The following NOL10 variants were observed in gnomAD, a reference collection of about 807,000 sequenced individuals.
NOL10 encodes the protein H_NH0074G24.1.
A neutral mutation model predicts 103.5 loss-of-function variants in NOL10; 58 were observed. That is an observed-to-expected ratio of 0.56 (90% CI 0.45 to 0.70). NOL10 has a LOEUF of 0.70. NOL10 is among the 30% of genes least tolerant of loss of function. NOL10 has a pLI of 0.00. For synonymous variants in NOL10, 287 were observed against 282.5 expected (o/e 1.02, Z -0.16); for missense variants, 763 against 807.3 (o/e 0.95, Z 0.67).
intron 11 of NOL10, among the ~76,000 whole-genome samples, chr2:10,657,316 A>C (rs886454514): frequency 2.0e-5 from 3 of 149,800 alleles, no homozygotes; most frequent in Admixed American, 1.3e-4. Context: ...AACTCTCTCA[A>C]AAAAAAAAAA....
chr2:10,675,825 G>C lies in NOL10; in HGVS notation c.258C>G (p.Ser86=). 6.3e-7 allele frequency: 1 copy of C among 1,579,148 alleles called. No homozygotes were observed. Among genetic ancestry groups the C allele is most frequent in the Non-Finnish European group, 8.6e-7 (1 of 1,159,372 alleles). ...RVRCYDTYQL[S]LKFERCLDSE... is the part of the protein sequence containing the mutation. ...AATCTAAACACCTTTCAAACTTCAA[G>C]GATAATTGATAGGTGTCATAACATC... is the stretch of plus-strand genomic sequence containing the variant. Residue 86 remains serine, a synonymous_variant, in exon 4 of 21, where the codon TCC becomes TCG. Coordinates refer to ENST00000381685, the MANE Select transcript of NOL10 (RefSeq NM_024894.4).
chr2:10,585,780 C>T (rs781326580), intron 19 of NOL10, among the ~76,000 whole-genome samples: 5 of 152,118 alleles, frequency 3.3e-5, no homozygotes, highest in Non-Finnish European at 7.3e-5. Flanking sequence ...CTTATAATAC[C>T]TAATACAATG....
chr2:10,631,013 A>G (rs962180860), intron 13 of NOL10, among the ~76,000 whole-genome samples: 8 of 152,230 alleles, frequency 5.3e-5, no homozygotes, highest in African/African-American at 2.4e-5. Context: ...TGGTACTATA[A>G]AAGAGCAATT....
chr2:10,597,887 G>T (rs548153080), intron 17 of NOL10, among the ~76,000 whole-genome samples: 1 of 152,176 alleles, frequency 6.6e-6, no homozygotes, highest in Non-Finnish European at 1.5e-5. Context: ...TACACAGCTT[G>T]GTAATTCTTT....
At chr2:10,600,481 C>T (rs113024368) in intron 17 of NOL10, among the ~76,000 whole-genome samples, 15 of 152,244 alleles carry the variant, frequency 9.9e-5, no homozygotes, top group African/African-American at 2.6e-4. Context: ...GAATATGTAG[C>T]CATTAAAAAT....
chr2:10,657,709 A>C, intron 11 of NOL10, 33 bp downstream of exon 11: 1 of 1,534,680 alleles, frequency 6.5e-7, no homozygotes, highest in Non-Finnish European at 8.8e-7. Flanking sequence ...CCTGCAAATA[A>C]AGAAGCAAGT....
At chr2:10,581,160 T>C (rs114162023) in intron 19 of NOL10, among the ~76,000 whole-genome samples, 46 of 152,264 alleles carry the variant, frequency 3.0e-4, no homozygotes, top group Non-Finnish European at 6.5e-4. Context: ...TCTATAGGCA[T>C]AACGAAGATG....
intron 17 of NOL10, among the ~76,000 whole-genome samples, chr2:10,593,005 G>C (rs954275984): frequency 3.9e-5 from 6 of 152,126 alleles, no homozygotes; most frequent in Admixed American, 3.9e-4. Context: ...AAACATTAAA[G>C]TACTATTCAT....
chr2:10,591,372 G>A lies in NOL10; in HGVS notation c.1423-1621C>T, dbSNP rs1675381128. Reference sequence around the variant, plus strand: ...CCCAACAAAAGACACCCCAGGAGGGGCCCTGGGGGGTGCAGCATCAGGGAG... The same window carrying A: ...CCCAACAAAAGACACCCCAGGAGGGACCCTGGGGGGTGCAGCATCAGGGAG... On this transcript the variant is annotated intron_variant, in intron 17 of 20. Coordinates refer to ENST00000381685, the MANE Select transcript of NOL10 (RefSeq NM_024894.4). Among the ~76,000 whole-genome samples, 2 of 152,108 alleles carry A rather than the reference G, an allele frequency of 1.3e-5. 1 individual carries two copies. The highest frequency in any genetic ancestry group is 4.1e-4 in the South Asian group (2 of 4,822).
chr2:10,595,946 T>C (rs1341127117), intron 17 of NOL10, among the ~76,000 whole-genome samples: 2 of 152,144 alleles, frequency 1.3e-5, no homozygotes, highest in African/African-American at 4.8e-5. Flanking sequence ...TTTTTAAAAC[T>C]ATGCATGTAT....
intron 12 of NOL10, among the ~76,000 whole-genome samples, chr2:10,652,089 T>C (rs1439787567): frequency 6.6e-6 from 1 of 151,158 alleles, no homozygotes; most frequent in Non-Finnish European, 1.5e-5. Context: ...AAAATACAAA[T>C]ATTAGCCGGG....
intron 13 of NOL10, among the ~76,000 whole-genome samples, chr2:10,639,779 G>A (rs769697198): frequency 6.6e-6 from 1 of 152,010 alleles, no homozygotes; most frequent in South Asian, 2.1e-4. Flanking sequence ...AGCTGCAGAC[G>A]AATTAGACCC....
intron 11 of NOL10, among the ~76,000 whole-genome samples, chr2:10,656,757 T>C (rs759399): frequency 0.53 from 79,977 of 151,892 alleles, 21,434 homozygotes; most frequent in Middle Eastern, 0.64. Flanking sequence ...TCATCACAAA[T>C]GGGAATTTTT....
At chr2:10,679,657 G>A (rs565308016) in intron 3 of NOL10, among the ~76,000 whole-genome samples, 29 of 148,392 alleles carry the variant, frequency 2.0e-4, no homozygotes, top group African/African-American at 5.0e-4. Context: ...ACAGAGTCTC[G>A]CTCTGTTGCC....
chr2:10,637,603 TAAACAACCTTTTATTACATTCC>T (rs887802423), intron 13 of NOL10, among the ~76,000 whole-genome samples: 1 of 152,236 alleles, frequency 6.6e-6, no homozygotes, highest in Non-Finnish European at 1.5e-5. Flanking sequence ...AAACATTCAC[TAAACAACCTTTTATTACATTCC>T]AAAAAATGTG....
At position 10,675,882 on chromosome 2, in the gene NOL10, T is replaced by C. The variant is rs748832810; in HGVS notation, c.212-11A>G. On this transcript the variant is annotated splice_polypyrimidine_tract_variant and intron_variant, in intron 3 of 20. Transcript: ENST00000381685. ...GAGGTTTATATGTTCCTACAAAAAATTAATGTGATGTAAAACCTAAAGACA... is the reference window on the plus strand; with the variant it reads ...GAGGTTTATATGTTCCTACAAAAAACTAATGTGATGTAAAACCTAAAGACA... 1.3e-6 allele frequency: 2 copies of C among 1,492,408 alleles called. No homozygotes were observed. Among genetic ancestry groups the C allele is most frequent in the East Asian group, 2.3e-5 (1 of 43,412 alleles). 92.4% of individuals were successfully genotyped at this position (1,492,408 alleles called of 1,614,324 possible).
chr2:10,617,340 G>A (rs1317645884), intron 13 of NOL10, among the ~76,000 whole-genome samples: 1 of 152,228 alleles, frequency 6.6e-6, no homozygotes, highest in Non-Finnish European at 1.5e-5. Flanking sequence ...CACTCTGGCA[G>A]AGGCTGGGCG....
intron 6 of NOL10, among the ~76,000 whole-genome samples, chr2:10,669,371 G>A (rs1320024329): frequency 6.6e-6 from 1 of 150,578 alleles, no homozygotes; most frequent in Non-Finnish European, 1.5e-5. Context: ...TTACAAGCAT[G>A]AGCCACCATG....
chr2:10,638,723 A>C (rs1283673623), intron 13 of NOL10, among the ~76,000 whole-genome samples: 1 of 147,184 alleles, frequency 6.8e-6, no homozygotes, highest in Non-Finnish European at 1.5e-5. Context: ...GAACTCCTGA[A>C]CTCGTGATCC....
Sources: gnomAD v4.1 joint callset for allele counts (sites outside exome capture counted in the v4.1 genomes callset) on GRCh38, gnomAD v4.1.1 for gene constraint, MANE v1.5 for transcripts, NCBI Gene and HGNC (gene_info 2026-07-23, HGNC 2026-07-21) for gene names.